The following SLC9A9 variants were observed in gnomAD, a reference collection of about 807,000 sequenced individuals.
SLC9A9 encodes solute carrier family 9 member A9.
In SLC9A9, 62 loss-of-function variants were observed where a neutral mutation model predicts 77.8. The observed-to-expected ratio is 0.80, with a 90% CI of 0.65 to 0.98. The LOEUF (loss-of-function observed/expected upper bound fraction) is 0.98. Ranked by LOEUF, SLC9A9 falls within the 50% of genes least tolerant of loss-of-function variation. The pLI, the probability that SLC9A9 is intolerant of heterozygous loss-of-function variation, is 0.00. For missense variants in SLC9A9, 775 were observed against 774.9 expected (o/e 1.00, Z 0.00); for synonymous variants, 320 against 283.5 (o/e 1.13, Z -1.29).
At chr3:143,428,597 A>G (rs1243711168) in intron 12 of SLC9A9, among the ~76,000 whole-genome samples, 1 of 152,218 alleles carries the variant, frequency 6.6e-6, no homozygotes, top group African/African-American at 2.4e-5. Flanking sequence ...GTGTATCCAA[A>G]TGAAATGAAA....
At chr3:143,270,724 T>G (rs565844598) in intron 14 of SLC9A9, among the ~76,000 whole-genome samples, 14 of 152,090 alleles carry the variant, frequency 9.2e-5, no homozygotes, top group Non-Finnish European at 1.6e-4. Flanking sequence ...GAAAGAGGCC[T>G]GAGCAACTTC....
intron 13 of SLC9A9, among the ~76,000 whole-genome samples, chr3:143,378,859 C>G (rs2033238926): frequency 6.6e-6 from 1 of 152,118 alleles, no homozygotes; most frequent in African/African-American, 2.4e-5. Flanking sequence ...AGCTTTTGTG[C>G]CTGGTACAAA....
intron 12 of SLC9A9, among the ~76,000 whole-genome samples, chr3:143,400,399 A>G (rs921926144): frequency 2.0e-5 from 3 of 152,184 alleles, no homozygotes; most frequent in Admixed American, 6.5e-5. Flanking sequence ...CCTGGATGGA[A>G]CTGGAAACTA....
At chr3:143,457,337 T>C (rs2035112612) in intron 12 of SLC9A9, among the ~76,000 whole-genome samples, 1 of 152,154 alleles carries the variant, frequency 6.6e-6, no homozygotes, top group South Asian at 2.1e-4. Context: ...ATTTCTAATA[T>C]TGATGATATG....
At chr3:143,847,908 A>T in intron 1 of SLC9A9, 2 of 564,104 alleles carry the variant, frequency 3.5e-6, no homozygotes, top group Non-Finnish European at 6.3e-6. Context: ...ATCTGTCAAC[A>T]GACTTGCATT....
At chr3:143,505,069 T>C (rs931606414) in intron 9 of SLC9A9, among the ~76,000 whole-genome samples, 2 of 152,128 alleles carry the variant, frequency 1.3e-5, no homozygotes, top group African/African-American at 2.4e-5. Flanking sequence ...GACCATATTT[T>C]TCCCAGGTTA....
chr3:143,637,143 T>C (rs1027128603), intron 6 of SLC9A9, among the ~76,000 whole-genome samples: 1 of 151,960 alleles, frequency 6.6e-6, no homozygotes, highest in Non-Finnish European at 1.5e-5. Context: ...AAAATGAAAA[T>C]TCTAAAATGA....
chr3:143,464,873 C>T (rs1032054264), intron 12 of SLC9A9, among the ~76,000 whole-genome samples: 1 of 152,196 alleles, frequency 6.6e-6, no homozygotes, highest in East Asian at 1.9e-4. Flanking sequence ...TCTGGGTTTA[C>T]TTCCTGGGTG....
At position 143,552,364 on chromosome 3, in the gene SLC9A9, G is replaced by A. The variant is rs1414745550; in HGVS notation, c.1087C>T (p.Gln363Ter). The change falls in exon 9 of 16, where the codon CAG becomes TAG. Residue 363 changes from glutamine (Q) to a stop codon, truncating the protein, a stop_gained and splice_region_variant. Coordinates refer to ENST00000316549, the MANE Select transcript of SLC9A9 (RefSeq NM_173653.4). LOFTEE classifies it high-confidence loss of function. Reference sequence around the variant, plus strand: ...CTGTAGTAAATTTTTTCTTTTACCTGTTTAGTTCTTATTTTGGAATCCGAA... The same window carrying A: ...CTGTAGTAAATTTTTTCTTTTACCTATTTAGTTCTTATTTTGGAATCCGAA... Reference protein sequence around the residue: ...LSSDSKIRTKQLFEFMNFLAE... With the variant: ...LSSDSKIRTK 1 of 1,610,870 alleles carries A rather than the reference G, an allele frequency of 6.2e-7. No homozygotes were observed.
intron 2 of SLC9A9, among the ~76,000 whole-genome samples, chr3:143,823,448 A>G (rs914861732): frequency 1.3e-5 from 2 of 152,184 alleles, no homozygotes; most frequent in African/African-American, 4.8e-5. Flanking sequence ...GAACATCCTC[A>G]TGTCAGGCCA....
chr3:143,488,934 A>C (rs925254874), intron 11 of SLC9A9, among the ~76,000 whole-genome samples: 10 of 151,986 alleles, frequency 6.6e-5, no homozygotes, highest in Admixed American at 5.2e-4. Flanking sequence ...CAAACTGAAA[A>C]AGAAGTAAAA....
chr3:143,577,756 G>A (rs149797218), intron 7 of SLC9A9, among the ~76,000 whole-genome samples: 2 of 152,240 alleles, frequency 1.3e-5, no homozygotes, highest in East Asian at 3.9e-4. Context: ...CCTTCTCTTT[G>A]CCTGGGGCCT....
chr3:143,428,281 T>C (rs1217702227), intron 12 of SLC9A9, among the ~76,000 whole-genome samples: 1 of 152,104 alleles, frequency 6.6e-6, no homozygotes, highest in East Asian at 1.9e-4. Flanking sequence ...ACATTCTGAA[T>C]AGACATTTTT....
rs2009874165 is a variant in SLC9A9, at chr3:143,848,314, T to C, written c.9A>G (p.Arg3=). The C allele has an allele frequency of 4.3e-6, 7 of 1,613,844 alleles. No homozygotes were observed. The highest frequency in any genetic ancestry group is 1.3e-5 in the African/African-American group (1 of 74,912). The change falls in exon 1 of 16, where the codon AGA becomes AGG. Residue 3 remains arginine, a synonymous_variant. Transcript: ENST00000316549. ME[R]QSRVMSEKDE... is the part of the protein sequence containing the mutation. ...CCTTTTCTGACATAACCCTTGACTGTCTCTCCATTCCCCAGTCTTCTTGGG... is the reference window on the plus strand; with the variant it reads ...CCTTTTCTGACATAACCCTTGACTGCCTCTCCATTCCCCAGTCTTCTTGGG...
chr3:143,766,904 A>C (rs2007336835), intron 4 of SLC9A9, among the ~76,000 whole-genome samples: 1 of 152,138 alleles, frequency 6.6e-6, no homozygotes, highest in Non-Finnish European at 1.5e-5. Flanking sequence ...AGCTTTTTCC[A>C]CATGTCCCAT....
intron 5 of SLC9A9, among the ~76,000 whole-genome samples, chr3:143,674,923 T>C (rs554803019): frequency 1.3e-5 from 2 of 152,256 alleles, no homozygotes; most frequent in South Asian, 4.1e-4. Context: ...TTTCATTCAG[T>C]TTTTATATTC....
At chr3:143,379,655 GA>G (rs2033258659) in intron 13 of SLC9A9, among the ~76,000 whole-genome samples, 1 of 152,326 alleles carries the variant, frequency 6.6e-6, no homozygotes, top group East Asian at 1.9e-4. Context: ...GGCCCCAAGT[GA>G]GAAATGTCTT....
rs1419410834 is a variant in SLC9A9 at position 143,606,436 on chromosome 3, C to CTCTCTCTCTCTCTCTATA, written c.756-27714_756-27713insTATAGAGAGAGAGAGAGA. On this transcript the variant is annotated intron_variant, in intron 6 of 15. Coordinates refer to ENST00000316549, the MANE Select transcript of SLC9A9 (RefSeq NM_173653.4). ...TCTCTCTCTCTCTCTCTCTCTCTCT[C>CTCTCTCTCTCTCTCTATA]TATATATATATATATATATATATAT... is the stretch of plus-strand genomic sequence containing the variant. Among the ~76,000 whole-genome samples, 10 of 54,210 alleles carry CTCTCTCTCTCTCTCTATA rather than the reference C, an allele frequency of 1.8e-4. 1 individual carries two copies. Among genetic ancestry groups the CTCTCTCTCTCTCTCTATA allele is most frequent in the African/African-American group, 6.9e-4 (9 of 13,058 alleles). The allele number at this position is 54,210 out of a possible 152,430, so 35.6% of individuals were successfully genotyped here.
At chr3:143,615,983 C>T (rs1408019691) in intron 6 of SLC9A9, among the ~76,000 whole-genome samples, 1 of 151,670 alleles carries the variant, frequency 6.6e-6, no homozygotes, top group East Asian at 1.9e-4. Context: ...TGGGTTCATG[C>T]CATTCTCCTG....
Sources: allele counts gnomAD v4.1 joint callset (sites outside exome capture counted in the v4.1 genomes callset), GRCh38; gene constraint gnomAD v4.1.1; transcripts MANE v1.5; gene names NCBI Gene and HGNC (gene_info 2026-07-23, HGNC 2026-07-21).